The following CLPX variants were observed in gnomAD, a reference collection of about 807,000 sequenced individuals.
CLPX encodes ATP-dependent clpX-like chaperone, mitochondrial.
A neutral mutation model predicts 76.4 loss-of-function variants in CLPX; 34 were observed. The observed-to-expected ratio is 0.45, with a 90% CI of 0.34 to 0.59. The LOEUF (loss-of-function observed/expected upper bound fraction) is 0.59. Among genes scored for constraint, CLPX ranks in the 20% least tolerant of loss-of-function variants. The pLI, the probability that CLPX is intolerant of heterozygous loss-of-function variation, is 0.01. For missense variants in CLPX, 613 were observed against 757.0 expected, an observed-to-expected ratio of 0.81 and a Z score of 2.23; for synonymous variants, 248 against 270.9, an observed-to-expected ratio of 0.92 and a Z score of 0.83.
intron 6 of CLPX, among the ~76,000 whole-genome samples, chr15:65,162,235 T>G (rs1449179281): frequency 6.6e-6 from 1 of 152,132 alleles, no homozygotes; most frequent in African/African-American, 2.4e-5. Context: ...TACTCATAAT[T>G]TGTAAGACTG....
intron 1 of CLPX, among the ~76,000 whole-genome samples, chr15:65,184,158 G>T (rs1023335259): frequency 3.3e-5 from 5 of 152,276 alleles, no homozygotes; most frequent in Non-Finnish European, 4.4e-5. Flanking sequence ...CCATCCAAGG[G>T]TCATAAACCG....
chr15:65,185,094 T>C lies in CLPX; in HGVS notation c.60A>G (p.Ser20=), dbSNP rs1401525028. 3 of 1,527,234 alleles carry C rather than the reference T, an allele frequency of 2.0e-6. No homozygotes were observed. Among genetic ancestry groups the C allele is most frequent in the Non-Finnish European group, 2.6e-6 (3 of 1,136,884 alleles). 94.6% of individuals were successfully genotyped at this position (1,527,234 alleles called of 1,614,324 possible). A position where few individuals can be genotyped will look rare whatever the true frequency, so the allele number is the denominator to read the frequency against. ...GAAAVRLITS[S]LASAQRGISG... is the part of the protein sequence containing the mutation. ...CGTTACCTCTCTGCGCGGAGGCGAG[T>C]GAGGAGGTGATGAGCCGGACGGCCG... is the stretch of plus-strand genomic sequence containing the variant. Residue 20 remains serine, a synonymous_variant, in exon 1 of 14, where the codon TCA becomes TCG. Coordinates refer to ENST00000300107, the MANE Select transcript of CLPX (RefSeq NM_006660.5).
In CLPX at chr15:65,155,732, T is replaced by A. The variant is rs147893822; in HGVS notation, c.1271A>T (p.Asn424Ile). The change falls in exon 10 of 14, where the codon AAT (asparagine) becomes ATT (isoleucine). Residue 424 changes from asparagine to isoleucine, a missense_variant. Asn to Ile is a moderately radical substitution (Grantham distance 149, BLOSUM62 -3). This residue lies in a region of CLPX where 450 missense variants were observed against 638.6 expected (regional missense o/e 0.70). Coordinates refer to ENST00000300107, the MANE Select transcript of CLPX (RefSeq NM_006660.5). ...CCTGCTGATGATTCTGTCTAAACCA[T>A]TGAAAGCACCAGATGCCACAAACAG... Reference protein sequence around the residue: ...NILFVASGAFNGLDRIISRRK... With the variant: ...NILFVASGAFIGLDRIISRRK... 6.2e-7 allele frequency: 1 copy of A among 1,614,120 alleles called. No homozygotes were observed. The highest frequency in any genetic ancestry group is 8.5e-7 in the Non-Finnish European group (1 of 1,179,996).
In CLPX at chr15:65,149,591, G is replaced by A. The variant is rs1268721690; in HGVS notation, c.*1232C>T. The A allele has an allele frequency of 2.2e-6, 1 of 453,202 alleles. No individual in the cohort carries two copies. The highest frequency in any genetic ancestry group is 2.4e-5 in the Admixed American group (1 of 41,968). The allele number at this position is 453,202 out of a possible 1,614,324, so 28.1% of individuals were successfully genotyped here. ...AAGATGGTAAATAAGGCCGGGTGTGGTGGCTTACGCCTGCAATCCCAGCAC... is the reference window on the plus strand; with the variant it reads ...AAGATGGTAAATAAGGCCGGGTGTGATGGCTTACGCCTGCAATCCCAGCAC... On this transcript the variant is annotated 3_prime_UTR_variant, in exon 14 of 14. Coordinates refer to ENST00000300107, the MANE Select transcript of CLPX (RefSeq NM_006660.5).
At chr15:65,160,511 G>A (rs2087839991) in intron 6 of CLPX, among the ~76,000 whole-genome samples, 1 of 151,846 alleles carries the variant, frequency 6.6e-6, no homozygotes, top group African/African-American at 2.4e-5. Context: ...CTTGGGTTAA[G>A]TTTAGCTCTG....
At position 65,152,486 on chromosome 15, in the gene CLPX, T is replaced by A. The variant is rs771329378; in HGVS notation, c.1755A>T (p.Val585=). 42 of 1,562,146 alleles carry A rather than the reference T, an allele frequency of 2.7e-5. No individual in the cohort carries two copies. Among genetic ancestry groups the A allele is most frequent in the Non-Finnish European group, 2.8e-5 (32 of 1,155,428 alleles). Residue 585 remains valine (V), a synonymous_variant, in exon 13 of 14, where the codon GTA becomes GTT. Coordinates refer to ENST00000300107, the MANE Select transcript of CLPX (RefSeq NM_006660.5). ...CTACTTCTTTGTCAACCTCCACACA[T>A]ACGATATCAGAATTAGGGACTTCAA... ...PMFEVPNSDI[V]CVEVDKEVVE...
At chr15:65,172,436 C>A (rs1376399478) in intron 3 of CLPX, among the ~76,000 whole-genome samples, 2 of 151,840 alleles carry the variant, frequency 1.3e-5, no homozygotes, top group Non-Finnish European at 2.9e-5. Flanking sequence ...TCAAGACCAG[C>A]TTGGCCAAGA....
At chr15:65,160,592 T>TCTC (rs2087840977) in intron 6 of CLPX, among the ~76,000 whole-genome samples, 3 of 118,450 alleles carry the variant, frequency 2.5e-5, no homozygotes, top group African/African-American at 6.9e-5. Context: ...CATTCACTCA[T>TCTC]TCTCTCTCTC....
At chr15:65,175,807 C>G (rs531235319) in intron 3 of CLPX, among the ~76,000 whole-genome samples, 1 of 152,050 alleles carries the variant, frequency 6.6e-6, no homozygotes, top group Non-Finnish European at 1.5e-5. Context: ...TATGAAGACC[C>G]AACTTTTAAT....
Position 65,149,499 on chromosome 15 carries a change from A to G in CLPX, c.*1324T>C. 2.5e-6 allele frequency: 1 copy of G among 400,162 alleles called. No individual in the cohort carries two copies. The highest frequency in any genetic ancestry group is 4.9e-6 in the Non-Finnish European group (1 of 206,104). The allele number at this position is 400,162 out of a possible 1,614,324, so 24.8% of individuals were successfully genotyped here. A position where few individuals can be genotyped will look rare whatever the true frequency, so the allele number is the denominator to read the frequency against. On this transcript the variant is annotated 3_prime_UTR_variant, in exon 14 of 14. Coordinates refer to ENST00000300107, the MANE Select transcript of CLPX (RefSeq NM_006660.5). ...CAAAAAAATAAAATAAAATAGATAT[A>G]TAACTTTCTGAAGATTTAAGCCAGA... is the stretch of plus-strand genomic sequence containing the variant.
chr15:65,176,761 A>C (rs1242747709), intron 3 of CLPX, among the ~76,000 whole-genome samples: 1 of 151,626 alleles, frequency 6.6e-6, no homozygotes, highest in African/African-American at 2.4e-5. Context: ...ACGCCCAGCT[A>C]ATTTTGTATT....
At chr15:65,154,275 A>G (rs1413813712) in intron 11 of CLPX, among the ~76,000 whole-genome samples, 1 of 152,292 alleles carries the variant, frequency 6.6e-6, no homozygotes, top group African/African-American at 2.4e-5. Context: ...AATAATATCA[A>G]AGGGGCTTGA....
At chr15:65,162,701 G>T in intron 5 of CLPX, 56 bp from the exon 6 acceptor site, 1 of 963,464 alleles carries the variant, frequency 1.0e-6, no homozygotes, top group Non-Finnish European at 1.6e-6. Context: ...AACAAACAAT[G>T]AGTATCCCAC....
At position 65,168,918 on chromosome 15, in the gene CLPX, G is replaced by A. The variant is rs143102322; in HGVS notation, c.359-2133C>T. 5.9e-3 allele frequency among the ~76,000 whole-genome samples: 870 copies of A among 148,614 alleles called. 5 individuals carry two copies. The highest frequency in any genetic ancestry group is 0.014 in the Middle Eastern group (4 of 280). ...GTTGCCCAGGCTGAAGTGCAGTGGC[G>A]TGATCACTACTCACTGCAGTCTTGA... is the stretch of plus-strand genomic sequence containing the variant. On this transcript the variant is annotated intron_variant, in intron 3 of 13. Coordinates refer to ENST00000300107, the MANE Select transcript of CLPX (RefSeq NM_006660.5).
chr15:65,156,622 G>T, intron 9 of CLPX: 4 of 458,554 alleles, frequency 8.7e-6, no homozygotes, highest in Non-Finnish European at 1.5e-5. Flanking sequence ...CATTTTTTCT[G>T]TTCTTCAAAA....
At position 65,156,795 on chromosome 15, in the gene CLPX, T is replaced by C. The variant is rs367595087; in HGVS notation, c.1146+49A>G. On this transcript the variant is annotated intron_variant, in intron 9 of 13. Coordinates refer to ENST00000300107, the MANE Select transcript of CLPX (RefSeq NM_006660.5). ...AAACGTACAATATTTGGGAGGTTGATGTATTCCCTTCCTTTTAGTGGGCTT... is the reference window on the plus strand; with the variant it reads ...AAACGTACAATATTTGGGAGGTTGACGTATTCCCTTCCTTTTAGTGGGCTT... The C allele has an allele frequency of 4.6e-5, 53 of 1,153,138 alleles. No homozygotes were observed. The African/African-American group carries it at 6.7e-4, about 15-fold the overall frequency. 71.4% of individuals were successfully genotyped at this position (1,153,138 alleles called of 1,614,324 possible). A position where few individuals can be genotyped will look rare whatever the true frequency, so the allele number is the denominator to read the frequency against.
chr15:65,167,063 C>A (rs1233661234), intron 3 of CLPX, among the ~76,000 whole-genome samples: 2 of 152,110 alleles, frequency 1.3e-5, no homozygotes, highest in East Asian at 3.8e-4. Flanking sequence ...TTTCCATTCA[C>A]TAAAAAAGAT....
At chr15:65,184,056 T>C (rs1466679280) in intron 1 of CLPX, among the ~76,000 whole-genome samples, 2 of 152,190 alleles carry the variant, frequency 1.3e-5, no homozygotes, top group African/African-American at 2.4e-5. Flanking sequence ...AATCCTTCCT[T>C]CTGTAGTAAA....
Position 65,163,915 on chromosome 15 carries a change from T to C in CLPX, c.673+114A>G, listed in dbSNP as rs2087880182. On this transcript the variant is annotated intron_variant, in intron 5 of 13. Transcript: ENST00000300107. ...ACACTAATGGGGAATAACCTGCACT[T>C]TGAAAAATGCCACACTATATAAAAA... The C allele has an allele frequency of 3.9e-6, 4 of 1,030,450 alleles. No homozygotes were observed. The East Asian group carries it at 9.7e-5, about 25-fold the overall frequency. 63.8% of individuals were successfully genotyped at this position (1,030,450 alleles called of 1,614,324 possible).
Sources: allele counts gnomAD v4.1 joint callset (sites outside exome capture counted in the v4.1 genomes callset), GRCh38; gene constraint gnomAD v4.1.1; regional missense constraint gnomAD v4.1.1; transcripts MANE v1.5; gene names NCBI Gene and HGNC (gene_info 2026-07-23, HGNC 2026-07-21).